Variants in BRINP1 observed in about 807,000 individuals in gnomAD.
The protein encoded by BRINP1 is BMP/retinoic acid-inducible neural-specific protein 1.
A neutral mutation model predicts 72.9 loss-of-function variants in BRINP1; 17 were observed. The observed-to-expected ratio is 0.23, with a 90% CI of 0.16 to 0.35. BRINP1 has a LOEUF of 0.35. Ranked by LOEUF, BRINP1 falls within the 10% of genes least tolerant of loss-of-function variation. The pLI is 1.00. For synonymous variants in BRINP1, 418 were observed against 378.5 expected (o/e 1.10, Z -1.21); for missense variants, 850 against 1,001.6 (o/e 0.85, Z 2.04).
Position 119,254,113 on chromosome 9 carries a change from G to A in BRINP1, c.219-4963C>T, listed in dbSNP as rs745716582. Among the ~76,000 whole-genome samples, 64 of 152,262 alleles carry A rather than the reference G, an allele frequency of 4.2e-4. 1 individual carries two copies. The Middle Eastern group carries it at 0.01, about 24-fold the overall frequency. ...AGACAAAAAGGTTGATTACATATTC[G>A]AAATTTGAGCACCTACTATTTTTCC... On this transcript the variant is annotated intron_variant, in intron 2 of 7. Coordinates refer to ENST00000265922, the MANE Select transcript of BRINP1 (RefSeq NM_014618.3).
intron 7 of BRINP1, among the ~76,000 whole-genome samples, chr9:119,169,789 C>A (rs566675560): frequency 6.6e-6 from 1 of 152,010 alleles, no homozygotes; most frequent in Non-Finnish European, 1.5e-5. Flanking sequence ...GATCTGAGAA[C>A]GGGCAGACTG....
intron 5 of BRINP1, among the ~76,000 whole-genome samples, chr9:119,229,137 TG>T (rs1830123156): frequency 6.6e-6 from 1 of 152,104 alleles, no homozygotes; most frequent in South Asian, 2.1e-4. Context: ...CTGTGGTTTT[TG>T]TGGAAGGATT....
intron 1 of BRINP1, among the ~76,000 whole-genome samples, chr9:119,345,249 T>C (rs1374258412): frequency 1.3e-5 from 2 of 152,336 alleles, no homozygotes; most frequent in Middle Eastern, 3.4e-3. Flanking sequence ...TTTGTTCTCT[T>C]AACTCCATGT....
intron 2 of BRINP1, among the ~76,000 whole-genome samples, chr9:119,278,829 A>G (rs1171797508): frequency 1.3e-5 from 2 of 152,156 alleles, no homozygotes; most frequent in Non-Finnish European, 2.9e-5. Flanking sequence ...CAGAAGTTGC[A>G]GTGAGCCGAG....
intron 7 of BRINP1, among the ~76,000 whole-genome samples, chr9:119,188,788 A>C (rs1208429826): frequency 2.0e-5 from 3 of 152,170 alleles, no homozygotes; most frequent in Non-Finnish European, 4.4e-5. Context: ...ATCTTTAAAA[A>C]AAATGGGAAG....
intron 5 of BRINP1, among the ~76,000 whole-genome samples, chr9:119,232,363 C>G (rs2118899551): frequency 6.6e-6 from 1 of 152,106 alleles, no homozygotes; most frequent in East Asian, 1.9e-4. Context: ...TACAGTCTTT[C>G]TTACTTAATA....
intron 2 of BRINP1, among the ~76,000 whole-genome samples, chr9:119,308,350 A>G (rs964904961): frequency 3.3e-5 from 5 of 152,206 alleles, no homozygotes; most frequent in African/African-American, 1.2e-4. Flanking sequence ...TTCAAGTTCA[A>G]ACACAAGCCC....
At chr9:119,354,841 C>T (rs1831543307) in intron 1 of BRINP1, among the ~76,000 whole-genome samples, 1 of 152,180 alleles carries the variant, frequency 6.6e-6, no homozygotes, top group Non-Finnish European at 1.5e-5. Context: ...TGCACTCCAG[C>T]ATGGGCAACA....
intron 1 of BRINP1, among the ~76,000 whole-genome samples, chr9:119,354,286 T>C (rs184456272): frequency 5.8e-4 from 88 of 152,268 alleles, no homozygotes; most frequent in Admixed American, 3.7e-3. Flanking sequence ...ATAAATCCAC[T>C]TTTAGAGATG....
chr9:119,223,737 C>T (rs2118888122), intron 5 of BRINP1, among the ~76,000 whole-genome samples: 1 of 152,136 alleles, frequency 6.6e-6, no homozygotes, highest in South Asian at 2.1e-4. Flanking sequence ...ACAGCCATCC[C>T]TCATTAGCAA....
At chr9:119,225,526 T>A (rs570557652) in intron 5 of BRINP1, among the ~76,000 whole-genome samples, 2 of 152,118 alleles carry the variant, frequency 1.3e-5, no homozygotes, top group Non-Finnish European at 2.9e-5. Context: ...TAACTGCTGT[T>A]ACACTGTACT....
At chr9:119,337,136 A>G (rs528945067) in intron 1 of BRINP1, among the ~76,000 whole-genome samples, 72 of 152,314 alleles carry the variant, frequency 4.7e-4, no homozygotes, top group African/African-American at 1.6e-3. Flanking sequence ...GAGATGCTCA[A>G]TAAATGTTTG....
intron 1 of BRINP1, among the ~76,000 whole-genome samples, chr9:119,361,545 T>C (rs1274271953): frequency 1.3e-5 from 2 of 152,238 alleles, no homozygotes; most frequent in African/African-American, 4.8e-5. Context: ...CTAAATCTTA[T>C]GAGGAAGCAC....
intron 7 of BRINP1, among the ~76,000 whole-genome samples, chr9:119,190,383 A>C (rs1043535675): frequency 6.6e-6 from 1 of 151,312 alleles, no homozygotes; most frequent in African/African-American, 2.4e-5. Context: ...TTGACAAACT[A>C]AGCAAAATCA....
At chr9:119,185,892 C>T (rs1277471193) in intron 7 of BRINP1, among the ~76,000 whole-genome samples, 1 of 152,204 alleles carries the variant, frequency 6.6e-6, no homozygotes, top group Non-Finnish European at 1.5e-5. Flanking sequence ...AAAGCAAAGC[C>T]CTGCTAGAGT....
intron 2 of BRINP1, among the ~76,000 whole-genome samples, chr9:119,274,263 G>GA (rs1322738089): frequency 2.0e-5 from 3 of 152,214 alleles, no homozygotes; most frequent in Non-Finnish European, 2.9e-5. Context: ...CACATGAAAG[G>GA]AGAGTAGAAG....
chr9:119,229,882 G>A (rs1305086824), intron 5 of BRINP1, among the ~76,000 whole-genome samples: 1 of 152,072 alleles, frequency 6.6e-6, no homozygotes, highest in Non-Finnish European at 1.5e-5. Flanking sequence ...ACTATCTTTT[G>A]AGCAGTGTCT....
chr9:119,300,620 C>A (rs956994952), intron 2 of BRINP1, among the ~76,000 whole-genome samples: 1 of 152,170 alleles, frequency 6.6e-6, no homozygotes, highest in Non-Finnish European at 1.5e-5. Context: ...AGCCAATGAA[C>A]ATAAATAAAA....
intron 2 of BRINP1, among the ~76,000 whole-genome samples, chr9:119,250,952 C>T (rs1279380116): frequency 6.6e-5 from 10 of 152,186 alleles, no homozygotes; most frequent in Admixed American, 6.5e-4. Context: ...GGCAAAGAAG[C>T]AGCAGAACAG....
Sources: allele counts gnomAD v4.1 joint callset (sites outside exome capture counted in the v4.1 genomes callset), GRCh38; gene constraint gnomAD v4.1.1; transcripts MANE v1.5; gene names NCBI Gene and HGNC (gene_info 2026-07-23, HGNC 2026-07-21).